Variants in ATP8B4 observed in about 807,000 individuals in gnomAD.
ATP8B4 encodes probable phospholipid-transporting ATPase IM.
In ATP8B4, 133 loss-of-function variants were observed where a neutral mutation model predicts 145.6. The ratio of observed to expected loss-of-function variants is 0.91; its 90% CI spans 0.79 to 1.05. The LOEUF (loss-of-function observed/expected upper bound fraction) is 1.05. Among genes scored for constraint, ATP8B4 ranks in the 50% least tolerant of loss-of-function variants. The pLI is 0.00. For missense variants in ATP8B4, 1,458 were observed against 1,425.2 expected, an observed-to-expected ratio of 1.02 and a Z score of -0.37; for synonymous variants, 507 against 492.9, an observed-to-expected ratio of 1.03 and a Z score of -0.38.
chr15:50,153,191 T>C (rs1308787633), intron 1 of ATP8B4, among the ~76,000 whole-genome samples: 1 of 152,190 alleles, frequency 6.6e-6, no homozygotes, highest in Non-Finnish European at 1.5e-5. Context: ...CAAATTATCC[T>C]AAAGGAAAAC....
At chr15:49,936,228 C>T (rs2041723827) in intron 14 of ATP8B4, among the ~76,000 whole-genome samples, 1 of 152,162 alleles carries the variant, frequency 6.6e-6, no homozygotes, top group Non-Finnish European at 1.5e-5. Flanking sequence ...GTCTGCTGCT[C>T]AGCTGCATCC....
At chr15:49,987,291 G>T in intron 10 of ATP8B4, 100 bp downstream of exon 10, 1 of 1,351,822 alleles carries the variant, frequency 7.4e-7, no homozygotes, top group South Asian at 1.6e-5. Flanking sequence ...TGCATGGAAT[G>T]AAAGCACTGC....
At chr15:50,139,829 G>A (rs2044182265) in intron 1 of ATP8B4, among the ~76,000 whole-genome samples, 1 of 152,202 alleles carries the variant, frequency 6.6e-6, no homozygotes, top group African/African-American at 2.4e-5. Flanking sequence ...TTTTGTTAGA[G>A]ATCACATTTT....
intron 15 of ATP8B4, among the ~76,000 whole-genome samples, chr15:49,932,214 A>G (rs1387120723): frequency 1.3e-5 from 2 of 151,878 alleles, no homozygotes; most frequent in African/African-American, 4.8e-5. Context: ...TTTTGTTAAA[A>G]AGAAACAAAT....
At chr15:50,160,011 C>A (rs1052095753) in intron 1 of ATP8B4, among the ~76,000 whole-genome samples, 4 of 74,544 alleles carry the variant, frequency 5.4e-5, no homozygotes, top group Non-Finnish European at 1.0e-4. Context: ...GCATCAGGTC[C>A]TGGCTTTTTT....
chr15:49,998,369 G>T (rs1489767342), intron 8 of ATP8B4, among the ~76,000 whole-genome samples: 7 of 152,126 alleles, frequency 4.6e-5, no homozygotes, highest in Non-Finnish European at 8.8e-5. Context: ...GTGTAAAAGT[G>T]TTCCTATTTC....
At position 50,065,480 on chromosome 15, in the gene ATP8B4, G is replaced by GT. The variant is rs562428668; in HGVS notation, c.87+8646dup. Reference sequence around the variant, plus strand: ...CACTTTGAGACCGTTGGGGTTAGTGGTTTTTTTCCGTTAACCTCTCAATTG... The same window carrying GT: ...CACTTTGAGACCGTTGGGGTTAGTGGTTTTTTTTCCGTTAACCTCTCAATTG... On this transcript the variant is annotated intron_variant, in intron 3 of 27. Coordinates refer to ENST00000284509, the MANE Select transcript of ATP8B4 (RefSeq NM_024837.4). Among the ~76,000 whole-genome samples, 141 of 152,188 alleles carry GT rather than the reference G, an allele frequency of 9.3e-4. 1 individual carries two copies. Among genetic ancestry groups the GT allele is most frequent in the African/African-American group, 3.2e-3 (135 of 41,548 alleles).
At chr15:49,930,321 G>T (rs1025128118) in intron 16 of ATP8B4, among the ~76,000 whole-genome samples, 3 of 152,002 alleles carry the variant, frequency 2.0e-5, no homozygotes, top group African/African-American at 4.8e-5. Flanking sequence ...AATAGGAGAT[G>T]AATTTAGCTT....
At chr15:49,937,994 G>A (rs1210917334) in intron 14 of ATP8B4, among the ~76,000 whole-genome samples, 1 of 152,148 alleles carries the variant, frequency 6.6e-6, no homozygotes, top group Non-Finnish European at 1.5e-5. Flanking sequence ...TATATGGTAA[G>A]TGCCATGATA....
In ATP8B4 at chr15:50,160,804, T is replaced by G. The variant is rs1457471801; in HGVS notation, c.-43+21457A>C. On this transcript the variant is annotated intron_variant, in intron 1 of 3. Transcript: ENST00000558829. ...TTTGTGGCTTAAGATATGGTTCATT[T>G]TGAGAATGATCCATGTGCTAAGGAG... 1.3e-5 allele frequency among the ~76,000 whole-genome samples: 2 copies of G among 152,144 alleles called. 1 individual carries two copies. Among genetic ancestry groups the G allele is most frequent in the Middle Eastern group, 6.4e-3 (2 of 314 alleles).
intron 1 of ATP8B4, among the ~76,000 whole-genome samples, chr15:50,168,236 T>A (rs919800431): frequency 2.0e-5 from 3 of 151,870 alleles, no homozygotes. Flanking sequence ...AGGCTCGCAT[T>A]GCGAATTTTA....
chr15:50,175,494 T>C (rs1013790650), intron 1 of ATP8B4, among the ~76,000 whole-genome samples: 13 of 151,906 alleles, frequency 8.6e-5, no homozygotes, highest in Non-Finnish European at 1.8e-4. Flanking sequence ...ACGAATCTAA[T>C]CAGTAAGAAA....
intron 4 of ATP8B4, 39 bp downstream of exon 4, chr15:50,047,312 A>T: frequency 7.7e-7 from 1 of 1,298,710 alleles, no homozygotes; most frequent in East Asian, 2.3e-5. Context: ...TGAATACTTT[A>T]AACAAACAGA....
chr15:50,172,195 G>A (rs562950356), intron 1 of ATP8B4, among the ~76,000 whole-genome samples: 27 of 152,302 alleles, frequency 1.8e-4, no homozygotes, highest in Middle Eastern at 6.8e-3. Context: ...GATGCCGAGC[G>A]GAGGCTGGAC....
At chr15:50,048,275 G>T (rs934700934) in intron 3 of ATP8B4, among the ~76,000 whole-genome samples, 5 of 152,024 alleles carry the variant, frequency 3.3e-5, no homozygotes, top group Admixed American at 6.6e-5. Flanking sequence ...TTGTCGGGGG[G>T]CACTTAGTCA....
intron 14 of ATP8B4, among the ~76,000 whole-genome samples, chr15:49,944,416 T>A (rs2042401888): frequency 6.6e-6 from 1 of 151,400 alleles, no homozygotes; most frequent in South Asian, 2.1e-4. Context: ...AGAGAAGAGG[T>A]GGTCATATTT....
At chr15:50,087,587 A>G (rs1339095794) in intron 2 of ATP8B4, among the ~76,000 whole-genome samples, 2 of 151,756 alleles carry the variant, frequency 1.3e-5, no homozygotes, top group Admixed American at 1.3e-4. Context: ...TTCACAGAAT[A>G]AAATGCATTA....
chr15:49,992,711 AT>A (rs771021654), intron 9 of ATP8B4, among the ~76,000 whole-genome samples: 8 of 152,268 alleles, frequency 5.3e-5, no homozygotes, highest in Non-Finnish European at 1.2e-4. Context: ...TAGAGAAAGT[AT>A]TTTGGCAAGT....
intron 23 of ATP8B4, among the ~76,000 whole-genome samples, chr15:49,891,068 T>C (rs2036736581): frequency 6.6e-6 from 1 of 152,150 alleles, no homozygotes; most frequent in Non-Finnish European, 1.5e-5. Context: ...TACAGGTCAG[T>C]TGGAAAGTGT....
Sources: gnomAD v4.1 joint callset for allele counts (sites outside exome capture counted in the v4.1 genomes callset) on GRCh38, gnomAD v4.1.1 for gene constraint, MANE v1.5 for transcripts, NCBI Gene and HGNC (gene_info 2026-07-23, HGNC 2026-07-21) for gene names.